The following THNSL1 variants were observed in gnomAD, a reference collection of about 807,000 sequenced individuals.
THNSL1 encodes threonine synthase like 1, also known as threonine synthase-like 1.
In THNSL1, 48 loss-of-function variants were observed where a neutral mutation model predicts 50.4. That is an observed-to-expected ratio of 0.95 (90% CI 0.76 to 1.21). THNSL1 has a LOEUF of 1.21. Among genes scored for constraint, THNSL1 ranks in the 50% most tolerant of loss-of-function variants. The pLI is 0.00. For missense variants in THNSL1, 896 were observed against 871.7 expected (o/e 1.03, Z -0.35); for synonymous variants, 309 against 306.1 (o/e 1.01, Z -0.10).
the THNSL1 span, among the ~76,000 whole-genome samples, chr10:25,001,403 T>G: frequency 6.6e-6 from 1 of 152,104 alleles, no homozygotes; most frequent in Non-Finnish European, 1.5e-5. Context: ...CTGTGATTCT[T>G]GGATTTTTGG....
At chr10:24,984,159 T>C in the THNSL1 span, 1 of 447,496 alleles carries the variant, frequency 2.2e-6, no homozygotes, top group South Asian at 9.3e-5. Flanking sequence ...TTCCTCCAAA[T>C]AGAAGCCTTT....
chr10:25,005,577 A>G, the THNSL1 span, among the ~76,000 whole-genome samples: 2 of 152,156 alleles, frequency 1.3e-5, no homozygotes, highest in Admixed American at 6.5e-5. Context: ...TGAACTCTGG[A>G]GCCTAGGCTG....
At chr10:24,993,862 G>C in the THNSL1 span, among the ~76,000 whole-genome samples, 1 of 152,184 alleles carries the variant, frequency 6.6e-6, no homozygotes, top group African/African-American at 2.4e-5. Flanking sequence ...CAGAGTGTGT[G>C]ACAGGTGGTG....
the THNSL1 span, among the ~76,000 whole-genome samples, chr10:24,968,568 C>T: frequency 1.3e-5 from 2 of 152,094 alleles, no homozygotes; most frequent in South Asian, 2.1e-4. Flanking sequence ...TGCACACCCA[C>T]GACTTTTCTC....
chr10:25,005,801 G>A, the THNSL1 span, among the ~76,000 whole-genome samples: 2 of 152,178 alleles, frequency 1.3e-5, no homozygotes, highest in Non-Finnish European at 2.9e-5. Context: ...ACAGGCATAT[G>A]TCATTGAGTA....
the THNSL1 span, among the ~76,000 whole-genome samples, chr10:24,976,866 A>G: frequency 2.0e-5 from 3 of 151,974 alleles, no homozygotes; most frequent in Non-Finnish European, 4.4e-5. Context: ...CATCTCAATA[A>G]TTCTGCAAAA....
the THNSL1 span, chr10:24,990,456 C>T: frequency 1.4e-5 from 22 of 1,609,120 alleles, no homozygotes; most frequent in Admixed American, 1.7e-5. Context: ...AATGGCAGAA[C>T]ACACACCTGC....
chr10:24,975,821 T>C, the THNSL1 span, among the ~76,000 whole-genome samples: 3 of 152,234 alleles, frequency 2.0e-5, no homozygotes, highest in Non-Finnish European at 4.4e-5. Flanking sequence ...CTAATACAGA[T>C]GTCTACTTAG....
chr10:24,952,538 C>T, the THNSL1 span: 377 of 1,589,914 alleles, frequency 2.4e-4, no homozygotes, highest in Admixed American at 9.1e-4. The surrounding 1 kb of genome is among the most constrained non-coding windows in gnomAD (Gnocchi z 5.1). Flanking sequence ...CACGACGCCT[C>T]GCCCGTAGTC....
At chr10:25,001,967 CTTCTTT>C in the THNSL1 span, among the ~76,000 whole-genome samples, 4 of 152,208 alleles carry the variant, frequency 2.6e-5, no homozygotes, top group South Asian at 8.3e-4. Context: ...GAATTTTTCT[CTTCTTT>C]TTCTCTTTCT....
At chr10:24,974,238 T>C in the THNSL1 span, among the ~76,000 whole-genome samples, 2 of 152,160 alleles carry the variant, frequency 1.3e-5, no homozygotes, top group Non-Finnish European at 2.9e-5. Context: ...TTTAAACATT[T>C]GAATAAATTG....
the THNSL1 span, among the ~76,000 whole-genome samples, chr10:24,987,102 T>C: frequency 1.3e-5 from 2 of 151,806 alleles, no homozygotes. Flanking sequence ...GGGTGGAGAG[T>C]GAGGTTGGGG....
chr10:24,987,054 C>T, the THNSL1 span, among the ~76,000 whole-genome samples: 26 of 152,282 alleles, frequency 1.7e-4, no homozygotes, highest in African/African-American at 4.1e-4. Flanking sequence ...CCAGCTCTTT[C>T]GCCCTCTGGC....
At chr10:24,970,625 A>T in the THNSL1 span, among the ~76,000 whole-genome samples, 1 of 152,060 alleles carries the variant, frequency 6.6e-6, no homozygotes, top group East Asian at 1.9e-4. Flanking sequence ...CGGCAGGAGG[A>T]TCACTTGAGC....
the THNSL1 span, among the ~76,000 whole-genome samples, chr10:24,992,766 A>G: frequency 6.6e-6 from 1 of 152,214 alleles, no homozygotes; most frequent in Non-Finnish European, 1.5e-5. Flanking sequence ...TCCTGACTGA[A>G]CAAGGGATAG....
At chr10:24,989,445 C>T in the THNSL1 span, among the ~76,000 whole-genome samples, 8 of 152,174 alleles carry the variant, frequency 5.3e-5, no homozygotes, top group East Asian at 1.9e-4. Context: ...GCCCAGCTAA[C>T]GATCTACAAT....
the THNSL1 span, among the ~76,000 whole-genome samples, chr10:24,964,756 C>A: frequency 2.2e-3 from 342 of 152,328 alleles, 3 homozygotes; most frequent in African/African-American, 7.0e-3. Context: ...CCTTCTTAGA[C>A]CTGCCTTTGA....
At chr10:24,998,002 C>T in the THNSL1 span, among the ~76,000 whole-genome samples, 2 of 152,060 alleles carry the variant, frequency 1.3e-5, no homozygotes, top group Non-Finnish European at 2.9e-5. Flanking sequence ...GAGGAAGATA[C>T]AAAAGAGACT....
the THNSL1 span, among the ~76,000 whole-genome samples, chr10:24,981,245 TC>T: frequency 5.9e-5 from 9 of 152,312 alleles, no homozygotes; most frequent in Non-Finnish European, 1.0e-4. Flanking sequence ...CCACATTAAT[TC>T]ACTAATAAAT....
Sources: gnomAD v4.1 joint callset for allele counts (sites outside exome capture counted in the v4.1 genomes callset) on GRCh38, gnomAD v4.1.1 for gene constraint, Gnocchi (gnomAD v3.1) non-coding constraint, MANE v1.5 for transcripts, NCBI Gene and HGNC (gene_info 2026-07-23, HGNC 2026-07-21) for gene names.